Variants in WDR27 observed in about 807,000 individuals in gnomAD.
WDR27 encodes the protein WD repeat domain 27, also known as WD repeat-containing protein 27.
WDR27 carries 100 observed loss-of-function variants against 114.4 expected under a neutral mutation model. That is an observed-to-expected ratio of 0.87 (90% CI 0.74 to 1.03). The LOEUF is 1.03. WDR27 is among the 50% of genes least tolerant of loss of function. The pLI is 0.00. For synonymous variants in WDR27, 449 were observed against 423.1 expected (o/e 1.06, Z -0.75); for missense variants, 1,129 against 1,092.9 (o/e 1.03, Z -0.47).
chr6:169,591,731 G>A (rs764841721), intron 23 of WDR27, among the ~76,000 whole-genome samples: 1 of 152,186 alleles, frequency 6.6e-6, no homozygotes, highest in Non-Finnish European at 1.5e-5. Context: ...TACGGCACAG[G>A]TGTGGTGCTG....
chr6:169,680,632 C>T (rs1430026794), intron 2 of WDR27, among the ~76,000 whole-genome samples: 1 of 152,118 alleles, frequency 6.6e-6, no homozygotes, highest in East Asian at 1.9e-4. Context: ...TTTAAAAGAT[C>T]CCTGAATGTT....
intron 25 of WDR27, among the ~76,000 whole-genome samples, chr6:169,552,562 G>A (rs1798298147): frequency 6.6e-6 from 1 of 152,194 alleles, no homozygotes; most frequent in Non-Finnish European, 1.5e-5. Flanking sequence ...AATAAAAGAG[G>A]TGAAATCACT....
At chr6:169,459,561 A>G (rs552482969) in intron 25 of WDR27, among the ~76,000 whole-genome samples, 24 of 151,740 alleles carry the variant, frequency 1.6e-4, no homozygotes, top group African/African-American at 4.8e-4. Context: ...ATATGTATAT[A>G]AATGTATACA....
At chr6:169,519,264 C>T (rs2128061411) in intron 25 of WDR27, among the ~76,000 whole-genome samples, 1 of 152,312 alleles carries the variant, frequency 6.6e-6, no homozygotes, top group African/African-American at 2.4e-5. Context: ...TTTCAGATAT[C>T]TTCACAGCAA....
rs764249930 is a variant in WDR27, at chr6:169,647,742, T to C, written c.1657+31A>G. 5.3e-6 allele frequency: 8 copies of C among 1,514,100 alleles called. No individual in the cohort carries two copies. In the East Asian group the frequency reaches 1.9e-4, roughly 37 times the overall value. 93.8% of individuals were successfully genotyped at this position (1,514,100 alleles called of 1,614,324 possible). A position where few individuals can be genotyped will look rare whatever the true frequency, so the allele number is the denominator to read the frequency against. On this transcript the variant is annotated intron_variant, in intron 16 of 25. Coordinates refer to ENST00000448612, the MANE Select transcript of WDR27 (RefSeq NM_182552.5). ...AGAATCAAAGACTCTTACAATGAAA[T>C]GCTACCCAGCTCCCGCAGGACGTGG...
chr6:169,535,104 C>G lies in WDR27; in HGVS notation c.2645+37315G>C, dbSNP rs560411168. Among the ~76,000 whole-genome samples, 159 of 152,284 alleles carry G rather than the reference C, an allele frequency of 1.0e-3. 1 individual carries two copies. Among genetic ancestry groups the G allele is most frequent in the Non-Finnish European group, 2.0e-3 (133 of 68,022 alleles). Reference sequence around the variant, plus strand: ...TTCAAGAAGACCTCTATGATGCTAGCTCTGCTATGAACAAGCACGTAATTT... The same window carrying G: ...TTCAAGAAGACCTCTATGATGCTAGGTCTGCTATGAACAAGCACGTAATTT... On this transcript the variant is annotated intron_variant, in intron 25 of 25. Transcript: ENST00000448612.
At chr6:169,618,770 C>T (rs76112632) in intron 21 of WDR27, among the ~76,000 whole-genome samples, 3,165 of 151,760 alleles carry the variant, frequency 0.021, 72 homozygotes, top group East Asian at 0.094. Flanking sequence ...TTCTGCTTCT[C>T]CTGTATTTGG....
In WDR27 at chr6:169,649,274, C is replaced by T; in HGVS notation, c.1483G>A (p.Val495Ile). ...RSSGYASAPH[V>I]TMFSPKTNIK... The stretch of plus-strand genomic sequence containing the variant: ...TTGGTCTTTGGTGAAAACATAGTTA[C>T]ACTGTGGAAAGAAAACTCTAATATC... The change falls in exon 15 of 26, where the codon GTA (valine) becomes ATA (isoleucine). Residue 495 changes from valine (V) to isoleucine (I), a missense_variant and splice_region_variant. Val to Ile is a conservative substitution (Grantham distance 29). Transcript: ENST00000448612. 6.4e-7 allele frequency: 1 copy of T among 1,567,140 alleles called. No individual in the cohort carries two copies. The highest frequency in any genetic ancestry group is 8.7e-7 in the Non-Finnish European group (1 of 1,154,808).
the WDR27 span, among the ~76,000 whole-genome samples, chr6:169,431,063 C>T: frequency 6.6e-6 from 1 of 152,160 alleles, no homozygotes; most frequent in South Asian, 2.1e-4. Context: ...GGTAGCTGCC[C>T]AAGTGAACTG....
At chr6:169,496,727 T>G (rs1197600013) in intron 25 of WDR27, among the ~76,000 whole-genome samples, 6 of 152,032 alleles carry the variant, frequency 3.9e-5, no homozygotes, top group Non-Finnish European at 7.4e-5. Context: ...GGCAACTAAC[T>G]TAACCAAAGA....
At chr6:169,660,140 G>A (rs371778368) in intron 10 of WDR27, among the ~76,000 whole-genome samples, 2 of 148,248 alleles carry the variant, frequency 1.3e-5, no homozygotes, top group South Asian at 4.4e-4. Flanking sequence ...GAAAGAGTGC[G>A]GCTGGTGGCA....
intron 8 of WDR27, chr6:169,663,474 G>C (rs2128278384): frequency 6.6e-6 from 1 of 152,260 alleles, no homozygotes; most frequent in East Asian, 1.9e-4. Flanking sequence ...CAATGAAAGA[G>C]GTGGCCCCTG....
chr6:169,648,504 T>C (rs1294822443), intron 15 of WDR27, among the ~76,000 whole-genome samples: 1 of 152,246 alleles, frequency 6.6e-6, no homozygotes, highest in African/African-American at 2.4e-5. Flanking sequence ...TGCATTTTGC[T>C]GCAAGCACGT....
intron 23 of WDR27, among the ~76,000 whole-genome samples, chr6:169,588,444 T>C (rs1198765067): frequency 1.3e-5 from 2 of 152,226 alleles, no homozygotes; most frequent in Non-Finnish European, 2.9e-5. Flanking sequence ...TTTTAGGCTA[T>C]GTGGTTCATC....
intron 25 of WDR27, among the ~76,000 whole-genome samples, chr6:169,552,462 T>G (rs1334094902): frequency 2.0e-5 from 3 of 152,134 alleles, no homozygotes; most frequent in African/African-American, 7.2e-5. Context: ...GTTGGACAAA[T>G]GATATATATT....
intron 25 of WDR27, among the ~76,000 whole-genome samples, chr6:169,462,479 G>GAGAGA (rs1554263553): frequency 3.3e-5 from 5 of 150,334 alleles, no homozygotes; most frequent in African/African-American, 1.2e-4. Flanking sequence ...AGGAGAGGGG[G>GAGAGA]GAGAGAGAGA....
chr6:169,575,861 G>A (rs1031487212), intron 24 of WDR27, among the ~76,000 whole-genome samples: 7 of 152,204 alleles, frequency 4.6e-5, no homozygotes, highest in Non-Finnish European at 7.3e-5. Context: ...CTTTAAAAAG[G>A]AAGGATGAAT....
chr6:169,646,638 C>T (rs928531733), intron 16 of WDR27, among the ~76,000 whole-genome samples: 2 of 151,690 alleles, frequency 1.3e-5, no homozygotes, highest in East Asian at 1.9e-4. Context: ...ATCCTAGCTA[C>T]GCGTGACGCT....
chr6:169,492,801 C>A (rs1215462643), intron 25 of WDR27, among the ~76,000 whole-genome samples: 1 of 152,050 alleles, frequency 6.6e-6, no homozygotes, highest in Non-Finnish European at 1.5e-5. Context: ...CAATAACAAA[C>A]CTCTAGACAA....
Sources: allele counts gnomAD v4.1 joint callset (sites outside exome capture counted in the v4.1 genomes callset), GRCh38; gene constraint gnomAD v4.1.1; transcripts MANE v1.5; gene names NCBI Gene and HGNC (gene_info 2026-07-23, HGNC 2026-07-21).